Variants in NCK2 observed in about 807,000 individuals in gnomAD.
NCK2 encodes cytoplasmic protein NCK2.
NCK2 carries 16 observed loss-of-function variants against 33.9 expected under a neutral mutation model. The ratio of observed to expected loss-of-function variants is 0.47; its 90% confidence interval spans 0.32 to 0.72. The LOEUF is 0.72. NCK2 is among the 30% of genes least tolerant of loss of function. The pLI is 0.03. For missense variants in NCK2, 418 were observed against 537.3 expected (o/e 0.78, Z 2.19); for synonymous variants, 273 against 239.9 (o/e 1.14, Z -1.27).
intron 1 of NCK2, among the ~76,000 whole-genome samples, chr2:105,761,698 C>T (rs537050938): frequency 1.3e-5 from 2 of 152,000 alleles, no homozygotes; most frequent in South Asian, 2.1e-4. Context: ...GGCAACATGG[C>T]GAAACCCTGT....
At chr2:105,800,379 T>C (rs537199260) in intron 1 of NCK2, among the ~76,000 whole-genome samples, 21 of 152,332 alleles carry the variant, frequency 1.4e-4, no homozygotes, top group Non-Finnish European at 2.4e-4. Context: ...GTCTGGTCTG[T>C]GGTACCCAGG....
intron 1 of NCK2, among the ~76,000 whole-genome samples, chr2:105,786,324 C>T (rs898445724): frequency 1.3e-5 from 2 of 152,208 alleles, no homozygotes; most frequent in East Asian, 1.9e-4. Context: ...GCTCTGAGCA[C>T]GGACTTGTTC....
intron 2 of NCK2, among the ~76,000 whole-genome samples, chr2:105,820,804 A>G (rs1382013673): frequency 6.6e-6 from 1 of 152,226 alleles, no homozygotes; most frequent in Non-Finnish European, 1.5e-5. Flanking sequence ...CTTTTTCATG[A>G]CAGACATGTC....
intron 4 of NCK2, among the ~76,000 whole-genome samples, chr2:105,891,758 G>C (rs965033703): frequency 2.6e-5 from 4 of 151,858 alleles, no homozygotes; most frequent in African/African-American, 9.7e-5. Context: ...TGTTGGCCAG[G>C]CTGGTCTCAA....
chr2:105,848,921 C>T (rs1448297315), intron 2 of NCK2, among the ~76,000 whole-genome samples: 2 of 152,172 alleles, frequency 1.3e-5, no homozygotes, highest in Non-Finnish European at 2.9e-5. Flanking sequence ...TTCATATAGA[C>T]TCAATTTTTT....
chr2:105,883,258 C>T (rs1359580481), intron 4 of NCK2, among the ~76,000 whole-genome samples: 3 of 152,202 alleles, frequency 2.0e-5, no homozygotes, highest in African/African-American at 4.8e-5. Context: ...TCTCACATGA[C>T]GAGAGCTCTG....
chr2:105,835,391 A>ACG (rs1676362780), intron 2 of NCK2, among the ~76,000 whole-genome samples: 2 of 38,108 alleles, frequency 5.2e-5, no homozygotes, highest in Non-Finnish European at 9.7e-5. Context: ...ATATACACAT[A>ACG]TATATATATA....
At chr2:105,886,180 A>G (rs1678713841) in intron 4 of NCK2, among the ~76,000 whole-genome samples, 1 of 152,254 alleles carries the variant, frequency 6.6e-6, no homozygotes, top group South Asian at 2.1e-4. Context: ...CTTTTTGCCC[A>G]GTACCAAATG....
chr2:105,837,456 T>G (rs747123934), intron 2 of NCK2, among the ~76,000 whole-genome samples: 1 of 152,146 alleles, frequency 6.6e-6, no homozygotes, highest in Non-Finnish European at 1.5e-5. Flanking sequence ...ATTTCTTGGT[T>G]TTCACTTTCT....
chr2:105,871,335 TGTA>T (rs1340059152), intron 3 of NCK2, among the ~76,000 whole-genome samples: 1 of 151,838 alleles, frequency 6.6e-6, no homozygotes, highest in Non-Finnish European at 1.5e-5. Flanking sequence ...GCCACGTTAT[TGTA>T]GTGCTGGTTA....
At chr2:105,809,270 C>T (rs760503244) in intron 1 of NCK2, among the ~76,000 whole-genome samples, 16 of 152,122 alleles carry the variant, frequency 1.1e-4, no homozygotes, top group East Asian at 1.9e-4. Flanking sequence ...TGTCATATGT[C>T]GTGACACATA....
intron 1 of NCK2, among the ~76,000 whole-genome samples, chr2:105,757,755 T>C (rs1056587093): frequency 6.6e-6 from 1 of 152,208 alleles, no homozygotes; most frequent in African/African-American, 2.4e-5. Flanking sequence ...GAAGCACATA[T>C]GGGAAGTCCC....
At chr2:105,834,619 A>C (rs939683158) in intron 2 of NCK2, among the ~76,000 whole-genome samples, 1 of 149,344 alleles carries the variant, frequency 6.7e-6, no homozygotes, top group African/African-American at 2.5e-5. Flanking sequence ...TATATCTTTT[A>C]ATTGGGAAAT....
At chr2:105,820,258 T>C (rs1299130961) in intron 2 of NCK2, among the ~76,000 whole-genome samples, 7 of 152,164 alleles carry the variant, frequency 4.6e-5, no homozygotes, top group Non-Finnish European at 1.0e-4. Context: ...TGCCATTTGG[T>C]CGGTGGTCCT....
chr2:105,874,700 G>A (rs187207796), intron 3 of NCK2, among the ~76,000 whole-genome samples: 174 of 152,348 alleles, frequency 1.1e-3, no homozygotes, highest in Admixed American at 2.0e-3. Context: ...GACAGGCAGA[G>A]CATGTTTTAA....
chr2:105,839,449 G>C (rs931323098), intron 2 of NCK2, among the ~76,000 whole-genome samples: 1 of 152,168 alleles, frequency 6.6e-6, no homozygotes, highest in Non-Finnish European at 1.5e-5. Context: ...GGGGTTTGCT[G>C]CTGGAAAGAA....
intron 4 of NCK2, among the ~76,000 whole-genome samples, chr2:105,883,586 T>C (rs1004482797): frequency 6.6e-6 from 1 of 152,024 alleles, no homozygotes; most frequent in African/African-American, 2.4e-5. Flanking sequence ...TTCTCCGGGG[T>C]TGCTGGCCTT....
chr2:105,855,275 TGAAGGAC>T lies in NCK2; in HGVS notation c.213_219del (p.Lys72HisfsTer2). ...AAGAAGGGCTCCCTCGTGAAGAACC[TGAAGGAC>T]ACACTAGGTGAGTGTTTCACCCTCG... On this transcript the variant is annotated frameshift_variant, in exon 3 of 5. Transcript: ENST00000233154. LOFTEE classifies it high-confidence loss of function. 1 of 1,605,884 alleles carries T rather than the reference TGAAGGAC, an allele frequency of 6.2e-7. No homozygotes were observed. Among genetic ancestry groups the T allele is most frequent in the Non-Finnish European group, 8.5e-7 (1 of 1,176,012 alleles).
At chr2:105,887,566 G>A (rs1678767941) in intron 4 of NCK2, among the ~76,000 whole-genome samples, 1 of 152,130 alleles carries the variant, frequency 6.6e-6, no homozygotes, top group Admixed American at 6.5e-5. Flanking sequence ...AAGTTTTAAG[G>A]TTTAAAGAAC....
Sources: gnomAD v4.1 joint callset for allele counts (sites outside exome capture counted in the v4.1 genomes callset) on GRCh38, gnomAD v4.1.1 for gene constraint, MANE v1.5 for transcripts, NCBI Gene and HGNC (gene_info 2026-07-23, HGNC 2026-07-21) for gene names.